Variants in SLC35D1 observed in about 807,000 individuals in gnomAD.
The protein encoded by SLC35D1 is solute carrier family 35 member D1.
A neutral mutation model predicts 46.7 loss-of-function variants in SLC35D1; 31 were observed. That is an observed-to-expected ratio of 0.66 (90% CI 0.50 to 0.90). The LOEUF is 0.90. Ranked by LOEUF, SLC35D1 falls within the 40% of genes least tolerant of loss-of-function variation. The probability of loss-of-function intolerance (pLI) is 0.00; values close to 1 mark genes in which losing one functional copy is unlikely to be tolerated. For synonymous variants in SLC35D1, 195 were observed against 164.6 expected (o/e 1.18, Z -1.41); for missense variants, 397 against 426.2 (o/e 0.93, Z 0.60).
At chr1:67,041,682 G>C (rs538862154) in intron 8 of SLC35D1, among the ~76,000 whole-genome samples, 1 of 152,092 alleles carries the variant, frequency 6.6e-6, no homozygotes, top group Admixed American at 6.6e-5. Context: ...ACTCTATGCT[G>C]TATTTATTTA....
chr1:67,050,465 C>A lies in SLC35D1; in HGVS notation c.432G>T (p.Leu144=). ...AAACTCCTTCAGCAAACATTGTAAA[C>A]AGGATGGAGAACCTTCTCAGAACTG... The part of the protein sequence containing the change: ...MFTVLRRFSI[L]FTMFAEGVLL... The change falls in exon 5 of 12, where the codon CTG becomes CTT. Residue 144 remains leucine, a synonymous_variant. Transcript: ENST00000235345. 6.2e-7 allele frequency: 1 copy of A among 1,613,154 alleles called. No homozygotes were observed. Among genetic ancestry groups the A allele is most frequent in the Non-Finnish European group, 8.5e-7 (1 of 1,179,584 alleles).
chr1:66,988,242 T>C, the SLC35D1 span: 1 of 152,486 alleles, frequency 6.6e-6, no homozygotes, highest in South Asian at 2.1e-4. Flanking sequence ...TTTAACCTTT[T>C]ATTCTAAAAA....
chr1:66,982,118 A>C, the SLC35D1 span, among the ~76,000 whole-genome samples: 1 of 152,366 alleles, frequency 6.6e-6, no homozygotes, highest in African/African-American at 2.4e-5. Flanking sequence ...AAGTAATTTT[A>C]ATAAAGCCTA....
Position 67,047,302 on chromosome 1 carries a change from G to A in SLC35D1, c.599C>T (p.Ala200Val). The A allele has an allele frequency of 6.2e-7, 1 of 1,613,356 alleles. No individual in the cohort carries two copies. Among genetic ancestry groups the A allele is most frequent in the Non-Finnish European group, 8.5e-7 (1 of 1,179,880 alleles). The change falls in exon 7 of 12, where the codon GCA (alanine) becomes GTA (valine). Residue 200 changes from alanine to valine, a missense_variant. By Grantham distance (64) the Ala-to-Val change is moderately conservative. Coordinates refer to ENST00000235345, the MANE Select transcript of SLC35D1 (RefSeq NM_015139.3). ...TTTTTGTTTTACGTATGCACCATTT[G>A]CTGCTGTTAGGACATCGTTTATCAG... Reference protein sequence around the residue: ...FILINDVLTAANGAYVKQKLD... With the variant: ...FILINDVLTAVNGAYVKQKLD...
the SLC35D1 span, among the ~76,000 whole-genome samples, chr1:66,973,739 A>G: frequency 6.6e-6 from 1 of 152,168 alleles, no homozygotes; most frequent in South Asian, 2.1e-4. Flanking sequence ...GGACAGGCAG[A>G]ATTAAAGTCT....
the SLC35D1 span, chr1:66,976,655 C>T: frequency 1.9e-6 from 3 of 1,606,410 alleles, no homozygotes; most frequent in Non-Finnish European, 2.6e-6. Context: ...AAAATCTGAA[C>T]GTTATGATTT....
In SLC35D1 at chr1:67,001,433, T is replaced by C. The variant is rs1328937584; in HGVS notation, c.*2907A>G. The C allele has an allele frequency of 6.6e-6, 1 of 152,336 alleles. No individual in the cohort carries two copies. Among genetic ancestry groups the C allele is most frequent in the Non-Finnish European group, 1.5e-5 (1 of 68,054 alleles). 9.4% of individuals were successfully genotyped at this position (152,336 alleles called of 1,614,324 possible). Reference sequence around the variant, plus strand: ...GCTGGCAATGTGTAGCCTGGCCAACTAGGGTTATTCCAATCCATTTAGCCT... The same window carrying C: ...GCTGGCAATGTGTAGCCTGGCCAACCAGGGTTATTCCAATCCATTTAGCCT... On this transcript the variant is annotated 3_prime_UTR_variant, in exon 12 of 12. Coordinates refer to ENST00000235345, the MANE Select transcript of SLC35D1 (RefSeq NM_015139.3).
At chr1:67,043,145 G>T (rs1363894070) in intron 7 of SLC35D1, among the ~76,000 whole-genome samples, 2 of 151,490 alleles carry the variant, frequency 1.3e-5, no homozygotes, top group Non-Finnish European at 2.9e-5. Flanking sequence ...AGTGAGCCAA[G>T]ATCGCACCAT....
At chr1:66,980,376 G>T in the SLC35D1 span, among the ~76,000 whole-genome samples, 1 of 152,160 alleles carries the variant, frequency 6.6e-6, no homozygotes, top group Non-Finnish European at 1.5e-5. Flanking sequence ...AATTGCATAG[G>T]TCATGGTCAT....
At chr1:67,038,223 T>C (rs1373493845) in intron 8 of SLC35D1, among the ~76,000 whole-genome samples, 1 of 152,194 alleles carries the variant, frequency 6.6e-6, no homozygotes, top group African/African-American at 2.4e-5. Flanking sequence ...TCAATCTGTG[T>C]GGTCCACAGA....
intron 8 of SLC35D1, among the ~76,000 whole-genome samples, chr1:67,035,770 A>C (rs1668109346): frequency 6.7e-6 from 1 of 149,442 alleles, no homozygotes; most frequent in Non-Finnish European, 1.5e-5. Context: ...CTAGTTCTTT[A>C]AGATGTATCA....
chr1:66,985,664 G>A, the SLC35D1 span: 1 of 984,998 alleles, frequency 1.0e-6, no homozygotes, highest in Non-Finnish European at 1.2e-6. Context: ...TGTACAGTTG[G>A]TAAACTTTTA....
intron 9 of SLC35D1, among the ~76,000 whole-genome samples, chr1:67,020,761 G>A (rs1570618330): frequency 6.6e-6 from 1 of 152,132 alleles, no homozygotes; most frequent in East Asian, 1.9e-4. Flanking sequence ...AGAAAGCTCA[G>A]AGCTCACAGA....
the SLC35D1 span, among the ~76,000 whole-genome samples, chr1:66,989,078 C>T: frequency 1.3e-5 from 2 of 152,154 alleles, no homozygotes; most frequent in Non-Finnish European, 2.9e-5. Flanking sequence ...ATGATTTTCC[C>T]TAAGAAATTT....
chr1:67,043,646 TCTC>T (rs1645219307), intron 7 of SLC35D1, among the ~76,000 whole-genome samples: 2 of 152,128 alleles, frequency 1.3e-5, no homozygotes, highest in Admixed American at 1.3e-4. Flanking sequence ...AGACAGCACT[TCTC>T]AGTGAAGTAT....
the SLC35D1 span, chr1:66,985,861 A>G: frequency 3.5e-6 from 3 of 866,728 alleles, no homozygotes; most frequent in East Asian, 3.7e-4. Flanking sequence ...AGGGCAAGTA[A>G]TTTGAGAATT....
At chr1:67,050,013 AATTT>A (rs1411466572) in intron 5 of SLC35D1, among the ~76,000 whole-genome samples, 163 bp from the exon 6 acceptor site, 1 of 152,224 alleles carries the variant, frequency 6.6e-6, no homozygotes, top group Non-Finnish European at 1.5e-5. Flanking sequence ...ATAAAGCAAA[AATTT>A]ATTGTTATAT....
At chr1:66,993,296 T>C in the SLC35D1 span, among the ~76,000 whole-genome samples, 1 of 152,156 alleles carries the variant, frequency 6.6e-6, no homozygotes, top group African/African-American at 2.4e-5. Flanking sequence ...TAGAAACTAT[T>C]ACCAGGGCAA....
intron 10 of SLC35D1, among the ~76,000 whole-genome samples, chr1:67,019,702 C>T (rs1667758486): frequency 6.6e-6 from 1 of 152,186 alleles, no homozygotes; most frequent in Non-Finnish European, 1.5e-5. Flanking sequence ...GAAGCAGGCC[C>T]ACTTGGCTAA....
Sources: gnomAD v4.1 joint callset for allele counts (sites outside exome capture counted in the v4.1 genomes callset) on GRCh38, gnomAD v4.1.1 for gene constraint, MANE v1.5 for transcripts, NCBI Gene and HGNC (gene_info 2026-07-23, HGNC 2026-07-21) for gene names.